TCAIM: variants seen among roughly 807,000 people sequenced by gnomAD.
TCAIM encodes the protein T-cell activation inhibitor, mitochondrial.
In TCAIM, 36 loss-of-function variants were observed where a neutral mutation model predicts 58.6. That is an observed-to-expected ratio of 0.61 (90% CI 0.47 to 0.81). TCAIM has a LOEUF of 0.81. Among genes scored for constraint, TCAIM ranks in the 30% least tolerant of loss-of-function variants. The pLI is 0.00. For synonymous variants in TCAIM, 172 were observed against 193.6 expected (o/e 0.89, Z 0.93); for missense variants, 466 against 579.6 (o/e 0.80, Z 2.01).
intron 5 of TCAIM, among the ~76,000 whole-genome samples, chr3:44,380,596 A>G (rs1701640628): frequency 6.6e-6 from 1 of 152,272 alleles, no homozygotes; most frequent in Admixed American, 6.5e-5. Context: ...TAGAGAAAAA[A>G]GAATAAACTA....
At chr3:44,350,661 G>A (rs898418884) in intron 1 of TCAIM, among the ~76,000 whole-genome samples, 2 of 152,042 alleles carry the variant, frequency 1.3e-5, no homozygotes, top group African/African-American at 4.8e-5. Context: ...CTCCTGGCCT[G>A]AAGCAATACT....
At chr3:44,407,336 A>T (rs1477852602) in intron 10 of TCAIM, 106 bp from the exon 11 acceptor site, 1 of 957,780 alleles carries the variant, frequency 1.0e-6, no homozygotes, top group Non-Finnish European at 1.5e-6. Flanking sequence ...TTGTGAGTGC[A>T]CAGTTAGGGC....
intron 5 of TCAIM, among the ~76,000 whole-genome samples, chr3:44,370,191 T>C (rs1313652787): frequency 6.6e-6 from 1 of 152,074 alleles, no homozygotes; most frequent in Non-Finnish European, 1.5e-5. Context: ...GTCTACCCTT[T>C]AAGAGTATAG....
chr3:44,338,463 G>A (rs1559554135), upstream of TCAIM: 1 of 152,386 alleles, frequency 6.6e-6, no homozygotes, highest in African/African-American at 2.4e-5. Flanking sequence ...GGGAAGGCCT[G>A]GCACGCTCCA....
At chr3:44,370,749 TC>T (rs1181350263) in intron 5 of TCAIM, among the ~76,000 whole-genome samples, 16 of 41,768 alleles carry the variant, frequency 3.8e-4, no homozygotes, top group African/African-American at 6.8e-4. Flanking sequence ...TTTCTTTCTT[TC>T]TTTCTTTTTT....
intron 2 of TCAIM, 30 bp from the exon 3 acceptor site, chr3:44,357,703 GTGCCTCAA>G (rs747967769): frequency 4.2e-5 from 67 of 1,609,780 alleles, no homozygotes; most frequent in South Asian, 8.8e-5. Context: ...GTGTGTGTGA[GTGCCTCAA>G]TGAATAACCA....
chr3:44,355,853 T>C (rs1318956605), intron 2 of TCAIM, among the ~76,000 whole-genome samples: 1 of 152,174 alleles, frequency 6.6e-6, no homozygotes, highest in Non-Finnish European at 1.5e-5. Flanking sequence ...TATGTAAAAT[T>C]TGAGCAGCTG....
intron 5 of TCAIM, among the ~76,000 whole-genome samples, chr3:44,389,727 C>T (rs1479066529): frequency 1.4e-5 from 2 of 147,220 alleles, no homozygotes; most frequent in African/African-American, 5.0e-5. Context: ...TTATTAATTG[C>T]TATGCAAAGT....
intron 5 of TCAIM, among the ~76,000 whole-genome samples, chr3:44,385,754 A>T (rs1187247192): frequency 6.6e-6 from 1 of 151,908 alleles, no homozygotes. Flanking sequence ...AAAACAAAAA[A>T]AATCTGAAAA....
At chr3:44,350,953 C>T (rs1701075151) in intron 1 of TCAIM, among the ~76,000 whole-genome samples, 1 of 152,024 alleles carries the variant, frequency 6.6e-6, no homozygotes, top group South Asian at 2.1e-4. Context: ...GAATTTAGTC[C>T]CTCACAGGTA....
At chr3:44,348,330 T>G (rs1701014900) in intron 1 of TCAIM, among the ~76,000 whole-genome samples, 1 of 150,634 alleles carries the variant, frequency 6.6e-6, no homozygotes, top group African/African-American at 2.5e-5. Flanking sequence ...CAGAGAGCCT[T>G]GGGGCAGAGT....
intron 6 of TCAIM, among the ~76,000 whole-genome samples, chr3:44,394,317 C>G (rs1462828725): frequency 6.6e-6 from 1 of 152,160 alleles, no homozygotes; most frequent in Non-Finnish European, 1.5e-5. Flanking sequence ...TATCATCACA[C>G]TAATCATTTT....
At chr3:44,390,956 C>T (rs536573487) in intron 5 of TCAIM, among the ~76,000 whole-genome samples, 17 of 152,316 alleles carry the variant, frequency 1.1e-4, no homozygotes, top group African/African-American at 3.4e-4. Flanking sequence ...GTCCCCTCCC[C>T]GTCACCACCC....
chr3:44,366,179 A>G (rs1701370845), intron 4 of TCAIM, among the ~76,000 whole-genome samples: 3 of 152,116 alleles, frequency 2.0e-5, no homozygotes, highest in Middle Eastern at 6.8e-3. Context: ...AGCTGGAACC[A>G]TGCCTAACAC....
At chr3:44,370,790 G>A (rs375105997) in intron 5 of TCAIM, among the ~76,000 whole-genome samples, 4 of 143,156 alleles carry the variant, frequency 2.8e-5, no homozygotes, top group East Asian at 4.0e-4. Context: ...CTGTCAGGTT[G>A]GAGTGCAGTG....
At position 44,371,798 on chromosome 3, in the gene TCAIM, A is replaced by G. The variant is rs531837491; in HGVS notation, c.572+4090A>G. ...TAATATATGGTAGTTTTTCCTAGTA[A>G]GGGTTCCAGGAGCTTATATCATAAA... On this transcript the variant is annotated intron_variant, in intron 5 of 10. Transcript: ENST00000342649. 2.0e-5 allele frequency among the ~76,000 whole-genome samples: 3 copies of G among 152,240 alleles called. No homozygotes were observed. In the South Asian group the frequency reaches 6.2e-4, roughly 32 times the overall value.
chr3:44,388,957 C>A (rs1314738669), intron 5 of TCAIM, among the ~76,000 whole-genome samples: 1 of 152,214 alleles, frequency 6.6e-6, no homozygotes, highest in Non-Finnish European at 1.5e-5. Context: ...TACTACTAAT[C>A]CTCTCAGTGG....
intron 1 of TCAIM, 50 bp from the exon 2 acceptor site, chr3:44,354,689 T>C: frequency 7.5e-7 from 1 of 1,337,162 alleles, no homozygotes; most frequent in East Asian, 2.4e-5. Context: ...CAATGTGTTT[T>C]ACATTTAAAA....
intron 3 of TCAIM, chr3:44,358,260 TATG>T: frequency 7.5e-7 from 1 of 1,341,522 alleles, no homozygotes; most frequent in Non-Finnish European, 1.1e-6. Context: ...GATTTTTCCT[TATG>T]ATGCATGCTG....
Sources: allele counts gnomAD v4.1 joint callset (sites outside exome capture counted in the v4.1 genomes callset), GRCh38; gene constraint gnomAD v4.1.1; transcripts MANE v1.5; gene names NCBI Gene and HGNC (gene_info 2026-07-23, HGNC 2026-07-21).